Variants in VWA8 observed in about 807,000 individuals in gnomAD.
The protein encoded by VWA8 is von Willebrand factor A domain containing 8.
In VWA8, 221 loss-of-function variants were observed where a neutral mutation model predicts 241.5. The observed-to-expected ratio is 0.91, with a 90% CI of 0.82 to 1.02. The LOEUF (loss-of-function observed/expected upper bound fraction) is 1.02, where lower values mean the gene tolerates loss of function less well. Ranked by LOEUF, VWA8 falls within the 50% of genes least tolerant of loss-of-function variation. The pLI is 0.00. For missense variants in VWA8, 2,322 were observed against 2,328.7 expected (o/e 1.00, Z 0.06); for synonymous variants, 852 against 827.1 (o/e 1.03, Z -0.52).
At chr13:41,835,495 T>C (rs1413305179) in intron 12 of VWA8, among the ~76,000 whole-genome samples, 3 of 152,186 alleles carry the variant, frequency 2.0e-5, no homozygotes, top group Non-Finnish European at 4.4e-5. Flanking sequence ...ATGACAGTTA[T>C]AACAACCAAG....
chr13:41,943,750 G>A (rs1168368052), intron 2 of VWA8, among the ~76,000 whole-genome samples: 1 of 151,920 alleles, frequency 6.6e-6, no homozygotes, highest in Non-Finnish European at 1.5e-5. Context: ...AAATACAAAG[G>A]GCCAATAAGC....
At position 41,691,867 on chromosome 13, in the gene VWA8, A is replaced by G. The variant is rs766935417; in HGVS notation, c.3740+7T>C. On this transcript the variant is annotated splice_region_variant and intron_variant, in intron 31 of 44. Coordinates refer to ENST00000379310, the MANE Select transcript of VWA8 (RefSeq NM_015058.2). ...CCAGTTTAAATCCTCTATAATAAAG[A>G]GCTCACCCTTTTTCTTTGTAGAACA... 98 of 1,598,378 alleles carry G rather than the reference A, an allele frequency of 6.1e-5. No individual in the cohort carries two copies. Among genetic ancestry groups the G allele is most frequent in the Non-Finnish European group, 7.9e-5 (92 of 1,166,660 alleles).
rs758434922 is a variant in VWA8 at position 41,777,991 on chromosome 13, G to A, written c.2343C>T (p.Gly781=). 1.9e-6 allele frequency: 3 copies of A among 1,609,254 alleles called. No individual in the cohort carries two copies. Among genetic ancestry groups the A allele is most frequent in the Middle Eastern group, 3.3e-4 (2 of 6,046 alleles). Reference sequence around the variant, plus strand: ...GATTTTAGCCATAACTCACCTGGTTGCCAACCAATAATAAGTGTTCTCCAA... The same window carrying A: ...GATTTTAGCCATAACTCACCTGGTTACCAACCAATAATAAGTGTTCTCCAA... ...FLLGEHLLLV[G]NQGVGKNKIV... is the part of the protein sequence containing the mutation. Residue 781 remains glycine (G), a synonymous_variant, in exon 20 of 45, where the codon GGC becomes GGT. Coordinates refer to ENST00000379310, the MANE Select transcript of VWA8 (RefSeq NM_015058.2).
At chr13:41,830,274 A>G (rs1397499189) in intron 14 of VWA8, among the ~76,000 whole-genome samples, 1 of 151,500 alleles carries the variant, frequency 6.6e-6, no homozygotes, top group Non-Finnish European at 1.5e-5. Context: ...TGTCATATTA[A>G]CAACAAAAAA....
In VWA8 at chr13:41,701,332, A is replaced by C. The variant is rs1279355770; in HGVS notation, c.3364+60T>G. The C allele has an allele frequency of 4.0e-6, 6 of 1,488,582 alleles. No homozygotes were observed. The African/African-American group carries it at 8.6e-5, about 21-fold the overall frequency. 92.2% of individuals were successfully genotyped at this position (1,488,582 alleles called of 1,614,324 possible). ...CTTTTTGATGTCTAGAGATTATTTT[A>C]ATCCATCTTTTAAAAAAACATGTGC... On this transcript the variant is annotated intron_variant, in intron 28 of 44. Coordinates refer to ENST00000379310, the MANE Select transcript of VWA8 (RefSeq NM_015058.2).
intron 37 of VWA8, 98 bp downstream of exon 37, chr13:41,670,848 T>G: frequency 1.5e-6 from 2 of 1,378,904 alleles, no homozygotes; most frequent in Non-Finnish European, 2.0e-6. Flanking sequence ...CAACTATTTT[T>G]GAGTCACTGG....
chr13:41,584,272 C>G (rs1418922401), intron 42 of VWA8, among the ~76,000 whole-genome samples: 1 of 152,166 alleles, frequency 6.6e-6, no homozygotes. Context: ...GGGCTCTATG[C>G]TACTATCTCC....
intron 1 of VWA8, among the ~76,000 whole-genome samples, chr13:41,954,676 C>T (rs180763753): frequency 3.9e-5 from 6 of 152,282 alleles, no homozygotes; most frequent in Admixed American, 2.0e-4. Flanking sequence ...TTATCTACTT[C>T]CAAAATAGAG....
At chr13:41,941,639 A>C (rs1025603248) in intron 2 of VWA8, among the ~76,000 whole-genome samples, 2 of 152,256 alleles carry the variant, frequency 1.3e-5, no homozygotes, top group African/African-American at 4.8e-5. Flanking sequence ...TAATCATAGC[A>C]GCCCCTAGTA....
At chr13:41,573,154 G>A (rs1348086360) in intron 43 of VWA8, among the ~76,000 whole-genome samples, 3 of 149,388 alleles carry the variant, frequency 2.0e-5, no homozygotes, top group Admixed American at 2.0e-4. Context: ...GGTGGCTGAC[G>A]CCTGTAGACC....
At chr13:41,891,398 C>G in intron 5 of VWA8, 22 bp downstream of exon 5, 1 of 1,613,538 alleles carries the variant, frequency 6.2e-7, no homozygotes, top group Non-Finnish European at 8.5e-7. Flanking sequence ...AAAGACAAAG[C>G]AACAGGATTT....
At chr13:41,641,384 C>T (rs1352508153) in intron 37 of VWA8, among the ~76,000 whole-genome samples, 1 of 151,982 alleles carries the variant, frequency 6.6e-6, no homozygotes, top group East Asian at 1.9e-4. Context: ...AATTAGTTTC[C>T]AAAATATTTA....
rs776100435 is a variant in VWA8 at position 41,721,598 on chromosome 13, A to G, written c.2759-23T>C. 6.3e-6 allele frequency: 10 copies of G among 1,597,510 alleles called. No individual in the cohort carries two copies. In the South Asian group the frequency reaches 6.7e-5, roughly 11 times the overall value. Reference sequence around the variant, plus strand: ...CACCTAAAGGAGAGAAAAGATTCACATTCAGTATGCAACAAATCCATTACG... The same window carrying G: ...CACCTAAAGGAGAGAAAAGATTCACGTTCAGTATGCAACAAATCCATTACG... On this transcript the variant is annotated intron_variant, in intron 24 of 44. Transcript: ENST00000379310.
chr13:41,713,484 A>G (rs1001956411), intron 26 of VWA8, among the ~76,000 whole-genome samples: 29 of 152,290 alleles, frequency 1.9e-4, no homozygotes, highest in African/African-American at 6.7e-4. Flanking sequence ...CTGAAACACA[A>G]AATGTAAAAA....
intron 2 of VWA8, among the ~76,000 whole-genome samples, chr13:41,932,741 G>A (rs936209594): frequency 3.3e-5 from 5 of 151,238 alleles, no homozygotes; most frequent in Non-Finnish European, 4.4e-5. Flanking sequence ...CAAAAGACAC[G>A]GAAAAAGCAC....
intron 9 of VWA8, among the ~76,000 whole-genome samples, chr13:41,871,604 T>C (rs1486532390): frequency 1.3e-5 from 2 of 152,078 alleles, no homozygotes; most frequent in Non-Finnish European, 2.9e-5. Flanking sequence ...TGATTTCCAA[T>C]TTCATCCATG....
At chr13:41,650,086 A>G (rs1158766050) in intron 37 of VWA8, among the ~76,000 whole-genome samples, 1 of 152,256 alleles carries the variant, frequency 6.6e-6, no homozygotes, top group Non-Finnish European at 1.5e-5. Flanking sequence ...AAATTTTAAA[A>G]TTAGTTCACC....
chr13:41,573,461 G>A (rs2044324404), intron 43 of VWA8, among the ~76,000 whole-genome samples: 1 of 116,688 alleles, frequency 8.6e-6, no homozygotes, highest in East Asian at 2.3e-4. Flanking sequence ...AGCACAACAG[G>A]GTGGCTATAG....
At chr13:41,752,299 C>A (rs1362279416) in intron 21 of VWA8, among the ~76,000 whole-genome samples, 4 of 152,180 alleles carry the variant, frequency 2.6e-5, no homozygotes, top group Non-Finnish European at 5.9e-5. Flanking sequence ...ACCTTCTCCA[C>A]ATCACCTTCT....
Sources: allele counts gnomAD v4.1 joint callset (sites outside exome capture counted in the v4.1 genomes callset), GRCh38; gene constraint gnomAD v4.1.1; transcripts MANE v1.5; gene names NCBI Gene and HGNC (gene_info 2026-07-23, HGNC 2026-07-21).